Variants in WAC observed in about 807,000 individuals in gnomAD.
The protein encoded by WAC is WW domain-containing adapter protein with coiled-coil.
Under a neutral mutation model 79.6 loss-of-function variants are expected in WAC, and 11 were observed. The ratio of observed to expected loss-of-function variants is 0.14; its 90% CI spans 0.09 to 0.23. WAC has a LOEUF of 0.23. WAC is among the 10% of genes least tolerant of loss of function. The pLI is 1.00. For missense variants in WAC, 728 were observed against 773.5 expected (o/e 0.94, Z 0.70); for synonymous variants, 304 against 276.9 (o/e 1.10, Z -0.97).
At chr10:28,617,919 A>C (rs1025776561) in intron 13 of WAC, 135 bp downstream of exon 13, 4 of 1,034,696 alleles carry the variant, frequency 3.9e-6, no homozygotes, top group Non-Finnish European at 5.2e-6. Context: ...CTATCACTGC[A>C]TTTTCATAAG....
intron 3 of WAC, among the ~76,000 whole-genome samples, chr10:28,564,190 A>G (rs1838469661): frequency 6.6e-6 from 1 of 152,124 alleles, no homozygotes; most frequent in South Asian, 2.1e-4. Context: ...GCTTAAGCCT[A>G]GGAGGTGGAG....
chr10:28,565,284 C>T (rs1056557737), intron 3 of WAC, among the ~76,000 whole-genome samples: 1 of 152,206 alleles, frequency 6.6e-6, no homozygotes, highest in Admixed American at 6.5e-5. Flanking sequence ...TGTACAGATT[C>T]TTGTGTGAAC....
intron 6 of WAC, among the ~76,000 whole-genome samples, chr10:28,595,219 C>G (rs1168295492): frequency 6.6e-6 from 1 of 152,158 alleles, no homozygotes; most frequent in Non-Finnish European, 1.5e-5. Context: ...TTCTTATAAA[C>G]TGCTTTAGAG....
At chr10:28,592,983 TGG>T (rs1372732067) in intron 6 of WAC, among the ~76,000 whole-genome samples, 1 of 152,164 alleles carries the variant, frequency 6.6e-6, no homozygotes, top group Non-Finnish European at 1.5e-5. Context: ...AATGAATACT[TGG>T]GAGGTTTTCA....
intron 3 of WAC, among the ~76,000 whole-genome samples, chr10:28,576,969 G>A (rs1839274323): frequency 1.3e-5 from 2 of 152,038 alleles, no homozygotes; most frequent in Admixed American, 1.3e-4. Context: ...TACACATACA[G>A]AAAATCCCAA....
chr10:28,563,724 T>G (rs1318790876), intron 3 of WAC, among the ~76,000 whole-genome samples: 1 of 143,378 alleles, frequency 7.0e-6, no homozygotes. Flanking sequence ...GGACTACAAG[T>G]GCATGCTGCC....
intron 2 of WAC, chr10:28,535,309 A>T (rs1157350857): frequency 6.1e-6 from 2 of 327,802 alleles, no homozygotes; most frequent in Non-Finnish European, 1.1e-5. Context: ...TCAGTGTGCA[A>T]GGTGGTTTAT....
At chr10:28,567,617 CA>C (rs979363653) in intron 3 of WAC, among the ~76,000 whole-genome samples, 36 of 151,920 alleles carry the variant, frequency 2.4e-4, no homozygotes, top group Non-Finnish European at 4.7e-4. Context: ...ATCACTGGGC[CA>C]AAAAAAGGCA....
intron 4 of WAC, among the ~76,000 whole-genome samples, chr10:28,584,089 G>C (rs574350590): frequency 6.6e-6 from 1 of 152,288 alleles, no homozygotes; most frequent in African/African-American, 2.4e-5. Flanking sequence ...CCAGGCATAT[G>C]CTAAGCTGCA....
chr10:28,545,360 A>T (rs189534609), intron 3 of WAC, among the ~76,000 whole-genome samples: 1 of 152,222 alleles, frequency 6.6e-6, no homozygotes, highest in Admixed American at 6.5e-5. Context: ...CATACCTGTA[A>T]TCCCAGCTAC....
At chr10:28,559,136 A>ATTG (rs1554780979) in intron 3 of WAC, among the ~76,000 whole-genome samples, 3 of 146,660 alleles carry the variant, frequency 2.0e-5, no homozygotes, top group Non-Finnish European at 3.0e-5. Flanking sequence ...GAGAAACCTG[A>ATTG]TGTGTGTGTG....
At position 28,611,329 on chromosome 10, in the gene WAC, T is replaced by A. The variant is rs1841228587; in HGVS notation, c.1289-445T>A. The A allele has an allele frequency of 2.3e-6, 3 of 1,293,664 alleles. No individual in the cohort carries two copies. The African/African-American group carries it at 4.5e-5, about 20-fold the overall frequency. The allele number at this position is 1,293,664 out of a possible 1,614,324, so 80.1% of individuals were successfully genotyped here. A position where few individuals can be genotyped will look rare whatever the true frequency, so the allele number is the denominator to read the frequency against. On this transcript the variant is annotated intron_variant, in intron 9 of 13. Transcript: ENST00000354911. The stretch of plus-strand genomic sequence containing the variant: ...CAAATGGGAAGTGAAAGGGTCACTT[T>A]GTCAGAAAGCTGATAAACAGCAGGA...
intron 3 of WAC, among the ~76,000 whole-genome samples, chr10:28,573,136 A>G (rs1423362278): frequency 6.7e-6 from 1 of 149,226 alleles, no homozygotes; most frequent in African/African-American, 2.5e-5. Flanking sequence ...TTCTATTTTT[A>G]AGATATTTGT....
Position 28,535,606 on chromosome 10 carries a change from C to G in WAC, c.123C>G (p.His41Gln). 6.2e-7 allele frequency: 1 copy of G among 1,613,978 alleles called. No homozygotes were observed. The highest frequency in any genetic ancestry group is 1.7e-5 in the Admixed American group (1 of 60,002). Residue 41 changes from histidine to glutamine, a missense_variant, in exon 3 of 14, where the codon CAC becomes CAG. Around this residue, in one of 3 missense-constraint regions of WAC, gnomAD observed 648 missense variants for 661.5 expected, o/e 0.98. Transcript: ENST00000354911. ...SSKSHPSSGD[H>Q]RHEKMRDAGD... ...AGAGTCACCCCAGTAGCGGTGATCA[C>G]AGACATGAAAAGATGCGAGACGCCG... is the stretch of plus-strand genomic sequence containing the variant.
At chr10:28,536,932 TG>T (rs1384035389) in intron 3 of WAC, among the ~76,000 whole-genome samples, 2 of 152,206 alleles carry the variant, frequency 1.3e-5, no homozygotes, top group East Asian at 3.8e-4. Flanking sequence ...TTGCCCCTAT[TG>T]GCAGCTAGTT....
chr10:28,539,077 C>A (rs1248721845), intron 3 of WAC, among the ~76,000 whole-genome samples: 1 of 152,012 alleles, frequency 6.6e-6, no homozygotes, highest in Non-Finnish European at 1.5e-5. Context: ...TAATAATAAC[C>A]TATATGCTAT....
chr10:28,536,672 T>C (rs1203249795), intron 3 of WAC, among the ~76,000 whole-genome samples: 1 of 152,264 alleles, frequency 6.6e-6, no homozygotes, highest in Non-Finnish European at 1.5e-5. Flanking sequence ...CCTTCAATTA[T>C]AAGTTTGCCT....
intron 7 of WAC, among the ~76,000 whole-genome samples, chr10:28,602,249 T>C (rs1041774785): frequency 1.3e-5 from 2 of 152,218 alleles, no homozygotes; most frequent in African/African-American, 4.8e-5. Flanking sequence ...TTGCTTATCT[T>C]TTGTGTGTAT....
At chr10:28,559,079 A>G (rs1198414355) in intron 3 of WAC, among the ~76,000 whole-genome samples, 1 of 151,740 alleles carries the variant, frequency 6.6e-6, no homozygotes, top group African/African-American at 2.4e-5. Flanking sequence ...TAGTGTGTCA[A>G]GTACTGTGGG....
Sources: gnomAD v4.1 joint callset for allele counts (sites outside exome capture counted in the v4.1 genomes callset) on GRCh38, gnomAD v4.1.1 for gene constraint, gnomAD v4.1.1 regional missense constraint, MANE v1.5 for transcripts, NCBI Gene and HGNC (gene_info 2026-07-23, HGNC 2026-07-21) for gene names.